The following PCM1 variants were observed in gnomAD, a reference collection of about 807,000 sequenced individuals.
PCM1 encodes pericentriolar material 1 protein.
A neutral mutation model predicts 241.9 loss-of-function variants in PCM1; 157 were observed. That is an observed-to-expected ratio of 0.65 (90% CI 0.57 to 0.74). The LOEUF is 0.74. PCM1 is among the 30% of genes least tolerant of loss of function. PCM1 has a pLI of 0.00. For synonymous variants in PCM1, 1,085 were observed against 784.9 expected (o/e 1.38, Z -6.39); for missense variants, 3,478 against 2,360.1 (o/e 1.47, Z -9.81).
At chr8:18,002,645 G>A (rs1487040497) in intron 29 of PCM1, among the ~76,000 whole-genome samples, 1 of 72,954 alleles carries the variant, frequency 1.4e-5, no homozygotes, top group Non-Finnish European at 2.5e-5. Context: ...CTGAGGAATC[G>A]CCACACTGAC....
rs1312077801 is a variant in PCM1 at position 17,939,812 on chromosome 8, A to G, written c.734A>G (p.His245Arg). ...GAGCGCCTTACTCATCTAATAGATC[A>G]CCTTAAAGAACAAGAGAAGTCATAT... is the stretch of plus-strand genomic sequence containing the variant. ...NVERLTHLIDHLKEQEKSYMK... is the reference protein window; with the variant it reads ...NVERLTHLIDRLKEQEKSYMK... Residue 245 changes from histidine (H) to arginine (R), a missense_variant, in exon 6 of 39, where the codon CAC (histidine) becomes CGC (arginine). His to Arg is a conservative substitution (Grantham distance 29, BLOSUM62 0). Coordinates refer to ENST00000325083, the MANE Select transcript of PCM1 (RefSeq NM_006197.4). 3 of 1,532,044 alleles carry G rather than the reference A, an allele frequency of 2.0e-6. No individual in the cohort carries two copies. In the African/African-American group the frequency reaches 4.1e-5, roughly 21 times the overall value. The allele number at this position is 1,532,044 out of a possible 1,614,324, so 94.9% of individuals were successfully genotyped here. A position where few individuals can be genotyped will look rare whatever the true frequency, so the allele number is the denominator to read the frequency against.
intron 2 of PCM1, among the ~76,000 whole-genome samples, chr8:17,928,287 CCT>C (rs1325212184): frequency 5.3e-5 from 8 of 152,146 alleles, no homozygotes; most frequent in Non-Finnish European, 1.0e-4. Flanking sequence ...CTCTCGTTTC[CCT>C]GAGTCCGTAG....
At chr8:18,027,545 T>A in intron 38 of PCM1, 92 bp from the exon 39 acceptor site, 1 of 801,344 alleles carries the variant, frequency 1.2e-6, no homozygotes, top group Non-Finnish European at 2.0e-6. Context: ...AATAACGTTA[T>A]ATTAAAAGTA....
chr8:17,961,393 C>T (rs2071955802), intron 15 of PCM1, among the ~76,000 whole-genome samples: 1 of 140,096 alleles, frequency 7.1e-6, no homozygotes, highest in Non-Finnish European at 1.5e-5. Flanking sequence ...TCACTGCAAG[C>T]TCCACCTCCT....
chr8:17,971,280 T>C (rs1257835234), intron 22 of PCM1, among the ~76,000 whole-genome samples: 1 of 152,230 alleles, frequency 6.6e-6, no homozygotes, highest in East Asian at 1.9e-4. Flanking sequence ...AGTTAAATCC[T>C]GTAGGTCACT....
At chr8:17,964,494 C>T in intron 17 of PCM1, 74 bp from the exon 18 acceptor site, 1 of 1,097,872 alleles carries the variant, frequency 9.1e-7, no homozygotes, top group Non-Finnish European at 1.3e-6. Context: ...GAAACAATGT[C>T]TGGCACATAG....
chr8:17,949,005 A>T (rs1273797381), intron 7 of PCM1, among the ~76,000 whole-genome samples: 1 of 152,188 alleles, frequency 6.6e-6, no homozygotes, highest in Non-Finnish European at 1.5e-5. Context: ...TTTTAGCAGA[A>T]TTACATTTCT....
intron 23 of PCM1, among the ~76,000 whole-genome samples, chr8:17,974,861 A>G (rs1041685167): frequency 6.3e-5 from 9 of 142,802 alleles, no homozygotes; most frequent in Admixed American, 2.0e-4. Flanking sequence ...TTTAAGGCAC[A>G]CACACACACA....
At chr8:17,970,428 G>A (rs561887781) in intron 22 of PCM1, among the ~76,000 whole-genome samples, 1 of 143,538 alleles carries the variant, frequency 7.0e-6, no homozygotes, top group African/African-American at 2.7e-5. Context: ...GTCATTAACT[G>A]GGATTTTTTT....
At position 17,937,241 on chromosome 8, in the gene PCM1, G is replaced by T; in HGVS notation, c.204G>T (p.Ser68=). Residue 68 remains serine, a synonymous_variant, in exon 4 of 39, where the codon TCG becomes TCT. Coordinates refer to ENST00000325083, the MANE Select transcript of PCM1 (RefSeq NM_006197.4). ...TAACCAATGATATTTCTCCGGAGTCGTCACCAGGAGTTGGAAGGCGAAGAA... is the reference window on the plus strand; with the variant it reads ...TAACCAATGATATTTCTCCGGAGTCTTCACCAGGAGTTGGAAGGCGAAGAA... The part of the protein sequence containing the change: ...KRVTNDISPE[S]SPGVGRRRTK... The T allele has an allele frequency of 1.2e-6, 2 of 1,609,878 alleles. No homozygotes were observed. The highest frequency in any genetic ancestry group is 1.7e-6 in the Non-Finnish European group (2 of 1,177,170).
At chr8:18,010,695 A>G (rs1425043672) in intron 32 of PCM1, 27 bp downstream of exon 32, 1 of 1,552,768 alleles carries the variant, frequency 6.4e-7, no homozygotes, top group Admixed American at 1.8e-5. Context: ...TTTTGCCTAA[A>G]AATATGGCTG....
chr8:17,962,868 A>C, intron 16 of PCM1: 1 of 356,720 alleles, frequency 2.8e-6, no homozygotes, highest in Non-Finnish European at 5.1e-6. Flanking sequence ...ACACCACTGC[A>C]CTCCAGCCCA....
At chr8:17,926,005 T>G (rs961390607) in intron 2 of PCM1, 2 of 152,056 alleles carry the variant, frequency 1.3e-5, no homozygotes, top group Admixed American at 6.5e-5. Flanking sequence ...TGGGTTTTTT[T>G]TTTTTTAAAC....
At chr8:17,990,963 C>G (rs537167039) in intron 27 of PCM1, among the ~76,000 whole-genome samples, 18 of 152,154 alleles carry the variant, frequency 1.2e-4, no homozygotes, top group Admixed American at 7.9e-4. Flanking sequence ...TGTGGCCTGC[C>G]AACCCTCACC....
intron 11 of PCM1, 28 bp downstream of exon 11, chr8:17,956,805 C>T (rs760738521): frequency 1.2e-5 from 18 of 1,545,754 alleles, no homozygotes; most frequent in Non-Finnish European, 1.5e-5. Context: ...GATGTTTTTC[C>T]AGCATATTCA....
At position 17,970,723 on chromosome 8, in the gene PCM1, C is replaced by T. The variant is rs572850198; in HGVS notation, c.3584+975C>T. 9.7e-4 allele frequency among the ~76,000 whole-genome samples: 148 copies of T among 151,980 alleles called. 1 individual carries two copies. Among genetic ancestry groups the T allele is most frequent in the South Asian group, 3.5e-3 (17 of 4,800 alleles). ...GAATAGACTTTCCTATTAGAATGTC[C>T]CTACTTCATTATTTTCATATAATTG... On this transcript the variant is annotated intron_variant, in intron 22 of 38. Transcript: ENST00000325083.
At position 18,020,246 on chromosome 8, in the gene PCM1, A is replaced by C. The variant is rs141775717; in HGVS notation, c.5842-5115A>C. Among the ~76,000 whole-genome samples, 255 of 152,330 alleles carry C rather than the reference A, an allele frequency of 1.7e-3. 1 individual carries two copies. Among genetic ancestry groups the C allele is most frequent in the Admixed American group, 3.1e-3 (47 of 15,300 alleles). On this transcript the variant is annotated intron_variant, in intron 36 of 38. Transcript: ENST00000325083. The stretch of plus-strand genomic sequence containing the variant: ...TGACCCATTGCTTATTATACGTTAC[A>C]GTTAAATCGAGTTGTCAGAGCATAT...
intron 36 of PCM1, among the ~76,000 whole-genome samples, chr8:18,021,912 G>A (rs2093785713): frequency 6.6e-6 from 1 of 152,144 alleles, no homozygotes; most frequent in African/African-American, 2.4e-5. Flanking sequence ...GACCTTAATG[G>A]ATTATGCAAA....
chr8:18,025,264 ATG>A, intron 36 of PCM1, 95 bp from the exon 37 acceptor site: 1 of 704,206 alleles, frequency 1.4e-6, no homozygotes, highest in East Asian at 2.6e-5. Context: ...AGAAAACGAA[ATG>A]TGATAGAATT....
Sources: allele counts gnomAD v4.1 joint callset (sites outside exome capture counted in the v4.1 genomes callset), GRCh38; gene constraint gnomAD v4.1.1; transcripts MANE v1.5; gene names NCBI Gene and HGNC (gene_info 2026-07-23, HGNC 2026-07-21).